Variants in SUGCT observed in about 807,000 individuals in gnomAD.
SUGCT encodes the protein succinyl-CoA:glutarate CoA-transferase.
In SUGCT, 41 loss-of-function variants were observed where a neutral mutation model predicts 55.0. That is an observed-to-expected ratio of 0.74 (90% CI 0.58 to 0.97). The LOEUF is 0.97. Ranked by LOEUF, SUGCT falls within the 50% of genes least tolerant of loss-of-function variation. The pLI, the probability that SUGCT is intolerant of heterozygous loss-of-function variation, is 0.00. For synonymous variants in SUGCT, 187 were observed against 200.4 expected, an observed-to-expected ratio of 0.93 and a Z score of 0.56; for missense variants, 568 against 547.8, an observed-to-expected ratio of 1.04 and a Z score of -0.37.
chr7:40,295,724 G>C (rs1448813582), intron 8 of SUGCT, among the ~76,000 whole-genome samples: 1 of 152,160 alleles, frequency 6.6e-6, no homozygotes, highest in East Asian at 1.9e-4. Context: ...TTAGAATTTA[G>C]TTATGTCATA....
the SUGCT span, chr7:40,968,110 C>T: frequency 6.6e-6 from 1 of 152,118 alleles, no homozygotes; most frequent in Admixed American, 6.5e-5. Context: ...GTATGAACAA[C>T]GGACCTGATG....
At chr7:40,200,084 A>C (rs1200535808) in intron 6 of SUGCT, among the ~76,000 whole-genome samples, 2 of 152,184 alleles carry the variant, frequency 1.3e-5, no homozygotes, top group Non-Finnish European at 2.9e-5. Flanking sequence ...AGTATTCGTC[A>C]TTCTGTATTT....
rs368657822 is a variant in SUGCT, at chr7:40,316,960, T to TTTTTTTG, written c.816+111_816+112insGTTTTTT. The TTTTTTTG allele has an allele frequency of 8.1e-3, 4,241 of 521,578 alleles. 94 individuals are homozygous for TTTTTTTG. The highest frequency in any genetic ancestry group is 0.01 in the Non-Finnish European group (3,051 of 301,228). 32.3% of individuals were successfully genotyped at this position (521,578 alleles called of 1,614,324 possible). The stretch of plus-strand genomic sequence containing the variant: ...TATACACAAATCCTTCAGCTGTTTT[T>TTTTTTTG]TTTTTTTTTTTTTGTAATGTATCTG... On this transcript the variant is annotated intron_variant, in intron 9 of 13. Transcript: ENST00000335693.
At chr7:40,282,494 A>C (rs199645699) in intron 8 of SUGCT, among the ~76,000 whole-genome samples, 4 of 25,904 alleles carry the variant, frequency 1.5e-4, no homozygotes, top group Non-Finnish European at 4.1e-4. Flanking sequence ...CAAAAACAAA[A>C]ACAAACAAAC....
chr7:40,593,434 A>G (rs1329357664), intron 12 of SUGCT, among the ~76,000 whole-genome samples: 2 of 152,220 alleles, frequency 1.3e-5, no homozygotes, highest in Admixed American at 6.5e-5. Flanking sequence ...GGCAAAGGAC[A>G]ATGTACAATT....
chr7:40,389,991 A>G (rs1418686267), intron 9 of SUGCT, among the ~76,000 whole-genome samples: 1 of 152,208 alleles, frequency 6.6e-6, no homozygotes, highest in African/African-American at 2.4e-5. Context: ...TATGCAAATC[A>G]ATAAAAGTAA....
chr7:40,400,609 T>C (rs1786012149), intron 9 of SUGCT, among the ~76,000 whole-genome samples: 1 of 152,198 alleles, frequency 6.6e-6, no homozygotes, highest in African/African-American at 2.4e-5. Context: ...TATTAATGTG[T>C]CTCCTGTGAC....
At chr7:40,521,929 T>C (rs1376042856) in intron 12 of SUGCT, among the ~76,000 whole-genome samples, 1 of 152,134 alleles carries the variant, frequency 6.6e-6, no homozygotes, top group East Asian at 1.9e-4. Context: ...TACCAACTAC[T>C]AAGTTGTTTC....
intron 12 of SUGCT, among the ~76,000 whole-genome samples, chr7:40,677,081 C>T (rs1399974979): frequency 1.3e-5 from 2 of 152,162 alleles, no homozygotes; most frequent in African/African-American, 4.8e-5. Flanking sequence ...TTACCTCTAA[C>T]TCTACAGCTT....
Position 40,361,638 on chromosome 7 carries a change from T to C in SUGCT, c.816+44783T>C, listed in dbSNP as rs557069582. Among the ~76,000 whole-genome samples, 13 of 151,518 alleles carry C rather than the reference T, an allele frequency of 8.6e-5. No homozygotes were observed. In the South Asian group the frequency reaches 1.5e-3, roughly 17 times the overall value. On this transcript the variant is annotated intron_variant, in intron 9 of 13. Coordinates refer to ENST00000335693, the MANE Select transcript of SUGCT (RefSeq NM_001193313.2). ...AGAAGTGATTTAAATTTCAACAAAA[T>C]TTTCAGTTTTGTTTTAATTTAAAAA...
At chr7:40,733,047 C>T (rs1324447425) in intron 12 of SUGCT, among the ~76,000 whole-genome samples, 5 of 151,964 alleles carry the variant, frequency 3.3e-5, no homozygotes, top group African/African-American at 7.3e-5. Flanking sequence ...CCAGCCTGGG[C>T]GACAGAGCAA....
intron 13 of SUGCT, among the ~76,000 whole-genome samples, chr7:40,833,725 G>A (rs772601905): frequency 2.0e-5 from 3 of 152,162 alleles, no homozygotes; most frequent in Non-Finnish European, 2.9e-5. Flanking sequence ...GACTGAATGA[G>A]TCAGTGAGAG....
chr7:40,656,023 A>G (rs1301492700), intron 12 of SUGCT, among the ~76,000 whole-genome samples: 2 of 152,214 alleles, frequency 1.3e-5, no homozygotes, highest in African/African-American at 4.8e-5. Flanking sequence ...ACTACCTTCT[A>G]TAGCCAGATA....
intron 9 of SUGCT, among the ~76,000 whole-genome samples, chr7:40,327,109 G>A (rs1167551183): frequency 6.6e-6 from 1 of 152,152 alleles, no homozygotes; most frequent in African/African-American, 2.4e-5. Flanking sequence ...TTCAAAAGTT[G>A]GTTTTCTGGT....
chr7:40,575,633 A>G (rs748288319), intron 12 of SUGCT, among the ~76,000 whole-genome samples: 2 of 151,920 alleles, frequency 1.3e-5, no homozygotes, highest in African/African-American at 2.4e-5. Flanking sequence ...GGTTTCCATC[A>G]CTTGTACCTG....
rs548102209 is a variant in SUGCT at position 40,453,208 on chromosome 7, A to C, written c.888+3850A>C. Among the ~76,000 whole-genome samples, 291 of 152,340 alleles carry C rather than the reference A, an allele frequency of 1.9e-3. 1 individual carries two copies. In the Middle Eastern group the frequency reaches 0.024, roughly 12 times the overall value. Reference sequence around the variant, plus strand: ...CCTGTATTGGAAACAGCAGATGAGCAGGAGCCAACTCTGAGAAAGAAGAAC... The same window carrying C: ...CCTGTATTGGAAACAGCAGATGAGCCGGAGCCAACTCTGAGAAAGAAGAAC... On this transcript the variant is annotated intron_variant, in intron 10 of 13. Coordinates refer to ENST00000335693, the MANE Select transcript of SUGCT (RefSeq NM_001193313.2).
Position 40,668,019 on chromosome 7 carries a change from A to G in SUGCT, c.1090-81415A>G, listed in dbSNP as rs540276805. On this transcript the variant is annotated intron_variant, in intron 12 of 13. Transcript: ENST00000335693. Reference sequence around the variant, plus strand: ...GATATTCATAAAATTAGAACATTATATAATCATAATTAAAGCAATTATTTA... The same window carrying G: ...GATATTCATAAAATTAGAACATTATGTAATCATAATTAAAGCAATTATTTA... Among the ~76,000 whole-genome samples, 179 of 152,346 alleles carry G rather than the reference A, an allele frequency of 1.2e-3. 1 individual carries two copies. Among genetic ancestry groups the G allele is most frequent in the African/African-American group, 4.0e-3 (167 of 41,592 alleles).
chr7:40,400,860 A>T (rs1020560220), intron 9 of SUGCT, among the ~76,000 whole-genome samples: 1 of 152,142 alleles, frequency 6.6e-6, no homozygotes, highest in African/African-American at 2.4e-5. Context: ...CCTGTACCCT[A>T]AAGGAGTGAT....
chr7:40,736,147 A>G (rs1787142483), intron 12 of SUGCT, among the ~76,000 whole-genome samples: 1 of 149,930 alleles, frequency 6.7e-6, no homozygotes, highest in Non-Finnish European at 1.5e-5. Context: ...GATCACATCT[A>G]ATATATAGCT....
Sources: gnomAD v4.1 joint callset for allele counts (sites outside exome capture counted in the v4.1 genomes callset) on GRCh38, gnomAD v4.1.1 for gene constraint, MANE v1.5 for transcripts, NCBI Gene and HGNC (gene_info 2026-07-23, HGNC 2026-07-21) for gene names.